XRCC4: variants seen among roughly 807,000 people sequenced by gnomAD.
XRCC4 encodes X-ray repair cross complementing 4.
A neutral mutation model predicts 39.1 loss-of-function variants in XRCC4; 28 were observed. The ratio of observed to expected loss-of-function variants is 0.72; its 90% CI spans 0.53 to 0.98. The LOEUF (loss-of-function observed/expected upper bound fraction) is 0.98, where lower values mean the gene tolerates loss of function less well. Among genes scored for constraint, XRCC4 ranks in the 50% least tolerant of loss-of-function variants. The pLI, the probability that XRCC4 is intolerant of heterozygous loss-of-function variation, is 0.00. For missense variants in XRCC4, 350 were observed against 376.4 expected (o/e 0.93, Z 0.58); for synonymous variants, 123 against 126.4 (o/e 0.97, Z 0.18).
At chr5:83,187,200 C>T (rs1260453152) in intron 3 of XRCC4, among the ~76,000 whole-genome samples, 1 of 144,976 alleles carries the variant, frequency 6.9e-6, no homozygotes, top group East Asian at 2.0e-4. Context: ...GCCTCTGCCT[C>T]CCAAAGTGCT....
intron 3 of XRCC4, among the ~76,000 whole-genome samples, chr5:83,174,365 TCTGATA>T (rs1442993079): frequency 2.0e-5 from 3 of 152,218 alleles, no homozygotes; most frequent in Non-Finnish European, 4.4e-5. Flanking sequence ...TCGTTTTGTA[TCTGATA>T]CTGTTTCTCT....
intron 7 of XRCC4, among the ~76,000 whole-genome samples, chr5:83,309,266 CAAAAAAAAAAAAAAAAAA>C (rs59326460): frequency 1.2e-4 from 2 of 17,384 alleles, no homozygotes; most frequent in African/African-American, 2.6e-4. Context: ...GACTCCGTCT[CAAAAAAAAAAAAAAAAAA>C]AAAAAAAAAA....
At chr5:83,332,136 A>T (rs1263967745) in intron 7 of XRCC4, among the ~76,000 whole-genome samples, 1 of 152,006 alleles carries the variant, frequency 6.6e-6, no homozygotes, top group African/African-American at 2.4e-5. Flanking sequence ...AGTTGCACAG[A>T]TGTGAGCTGT....
chr5:83,114,561 C>T (rs1189122626), intron 3 of XRCC4, among the ~76,000 whole-genome samples: 1 of 152,188 alleles, frequency 6.6e-6, no homozygotes, highest in Non-Finnish European at 1.5e-5. Flanking sequence ...CCATCTGAGA[C>T]CACCTAAGCC....
chr5:83,314,426 G>T (rs1004760895), intron 7 of XRCC4, among the ~76,000 whole-genome samples: 2 of 152,148 alleles, frequency 1.3e-5, no homozygotes, highest in Non-Finnish European at 2.9e-5. Context: ...AGTAATGACT[G>T]CAGTTAAAAT....
chr5:83,110,694 C>A (rs1378257222), intron 2 of XRCC4, among the ~76,000 whole-genome samples: 4 of 152,006 alleles, frequency 2.6e-5, no homozygotes, highest in African/African-American at 9.7e-5. Flanking sequence ...ACTTATTATT[C>A]ATTGTAGGAA....
chr5:83,164,409 C>G (rs1051595060), intron 3 of XRCC4, among the ~76,000 whole-genome samples: 1 of 152,052 alleles, frequency 6.6e-6, no homozygotes, highest in Admixed American at 6.6e-5. Context: ...TCAAAAACAA[C>G]AAATTTAAAC....
intron 6 of XRCC4, among the ~76,000 whole-genome samples, chr5:83,236,431 C>T (rs1037265454): frequency 2.6e-5 from 4 of 151,988 alleles, no homozygotes; most frequent in African/African-American, 7.2e-5. Context: ...TTACAGTGAA[C>T]TCATGTTTGA....
intron 7 of XRCC4, among the ~76,000 whole-genome samples, chr5:83,262,465 T>C (rs1753786604): frequency 6.6e-6 from 1 of 151,902 alleles, no homozygotes; most frequent in South Asian, 2.1e-4. Flanking sequence ...TTTTGGGGGG[T>C]GGGGAAGCTT....
intron 3 of XRCC4, among the ~76,000 whole-genome samples, chr5:83,149,668 A>C (rs1485481502): frequency 6.6e-6 from 1 of 152,206 alleles, no homozygotes; most frequent in Non-Finnish European, 1.5e-5. Flanking sequence ...ACACTGATTT[A>C]TAAATGTACC....
the XRCC4 span, among the ~76,000 whole-genome samples, chr5:83,362,754 G>T: frequency 6.6e-6 from 1 of 152,092 alleles, no homozygotes; most frequent in Non-Finnish European, 1.5e-5. Context: ...GGTTTTTGAT[G>T]ATGGCAAACC....
chr5:83,371,895 A>G, the XRCC4 span, among the ~76,000 whole-genome samples: 2 of 152,208 alleles, frequency 1.3e-5, no homozygotes, highest in Admixed American at 1.3e-4. Context: ...GTCCACAAAC[A>G]CATTTTAAAT....
At chr5:83,235,187 T>C (rs1439309596) in intron 6 of XRCC4, among the ~76,000 whole-genome samples, 1 of 151,382 alleles carries the variant, frequency 6.6e-6, no homozygotes, top group East Asian at 1.9e-4. Flanking sequence ...ATACAAAAAT[T>C]AGCTGGGCAT....
chr5:83,347,236 A>G (rs1015295397), intron 7 of XRCC4, among the ~76,000 whole-genome samples: 1 of 151,850 alleles, frequency 6.6e-6, no homozygotes, highest in South Asian at 2.1e-4. Flanking sequence ...ACATTTTTGT[A>G]AAAAAAAGGC....
rs372555585 is a variant in XRCC4 at position 83,314,653 on chromosome 5, A to G, written c.894-38478A>G. 7.9e-5 allele frequency among the ~76,000 whole-genome samples: 12 copies of G among 152,222 alleles called. No homozygotes were observed. The Middle Eastern group carries it at 0.01, about 129-fold the overall frequency. On this transcript the variant is annotated intron_variant, in intron 7 of 7. Coordinates refer to ENST00000396027, the MANE Select transcript of XRCC4 (RefSeq NM_003401.5). ...CTGTCACATTTTTATAATTTTCACT[A>G]TACCTCAAACTTTTTATTATTACTA...
intron 6 of XRCC4, among the ~76,000 whole-genome samples, chr5:83,212,100 A>G (rs1009481646): frequency 2.0e-5 from 3 of 152,056 alleles, no homozygotes; most frequent in Non-Finnish European, 4.4e-5. Context: ...ACACATATGT[A>G]TGTTTATGTG....
At chr5:83,153,780 C>G (rs1297281733) in intron 3 of XRCC4, among the ~76,000 whole-genome samples, 1 of 152,112 alleles carries the variant, frequency 6.6e-6, no homozygotes, top group East Asian at 1.9e-4. Context: ...CAGATATAAT[C>G]ATATTTAAAC....
intron 3 of XRCC4, among the ~76,000 whole-genome samples, chr5:83,165,327 A>G (rs1402882726): frequency 3.9e-5 from 6 of 152,012 alleles, no homozygotes; most frequent in Non-Finnish European, 8.8e-5. Flanking sequence ...ACATTGATTT[A>G]TATATTATAG....
intron 6 of XRCC4, among the ~76,000 whole-genome samples, chr5:83,228,001 G>C (rs1394830944): frequency 6.6e-6 from 1 of 151,988 alleles, no homozygotes; most frequent in Non-Finnish European, 1.5e-5. Flanking sequence ...TCTTTAAGGG[G>C]AGGAGGAATG....
Sources: allele counts gnomAD v4.1 joint callset (sites outside exome capture counted in the v4.1 genomes callset), GRCh38; gene constraint gnomAD v4.1.1; transcripts MANE v1.5; gene names NCBI Gene and HGNC (gene_info 2026-07-23, HGNC 2026-07-21).